Variants in MAPKAP1 observed in about 807,000 individuals in gnomAD.
The protein encoded by MAPKAP1 is target of rapamycin complex 2 subunit MAPKAP1.
Under a neutral mutation model 65.7 loss-of-function variants are expected in MAPKAP1, and 20 were observed. That is an observed-to-expected ratio of 0.30 (90% CI 0.21 to 0.44). MAPKAP1 has a LOEUF of 0.44. MAPKAP1 is among the 20% of genes least tolerant of loss of function. The pLI is 1.00. For missense variants in MAPKAP1, 423 were observed against 648.0 expected (o/e 0.65, Z 3.77); for synonymous variants, 222 against 244.3 (o/e 0.91, Z 0.85).
chr9:125,490,475 G>T (rs1236554614), intron 8 of MAPKAP1, among the ~76,000 whole-genome samples: 1 of 152,050 alleles, frequency 6.6e-6, no homozygotes, highest in African/African-American at 2.4e-5. Flanking sequence ...GGAGGCAGAG[G>T]TTGCAGTGAA....
At chr9:125,684,039 C>A (rs1301319518) in intron 1 of MAPKAP1, among the ~76,000 whole-genome samples, 1 of 152,170 alleles carries the variant, frequency 6.6e-6, no homozygotes, top group Non-Finnish European at 1.5e-5. Flanking sequence ...CTATATCACC[C>A]AGAGTCCAAC....
chr9:125,527,228 A>G (rs13289009), intron 7 of MAPKAP1, among the ~76,000 whole-genome samples: 44,110 of 151,844 alleles, frequency 0.29, 7,767 homozygotes, highest in Middle Eastern at 0.4. Flanking sequence ...CACCATGCCC[A>G]GCTAATTTTT....
chr9:125,638,306 G>T (rs1456008059), intron 4 of MAPKAP1, among the ~76,000 whole-genome samples: 2 of 152,146 alleles, frequency 1.3e-5, no homozygotes, highest in African/African-American at 4.8e-5. Context: ...CTGTGATTTG[G>T]TCCTGAAACA....
chr9:125,504,801 CCCAAAACCAAA>C (rs1829090475), intron 8 of MAPKAP1, among the ~76,000 whole-genome samples: 2 of 151,370 alleles, frequency 1.3e-5, no homozygotes, highest in African/African-American at 4.8e-5. Flanking sequence ...TCAAAAAAAC[CCCAAAACCAAA>C]CCAAAACCAA....
intron 1 of MAPKAP1, among the ~76,000 whole-genome samples, chr9:125,694,990 G>C (rs923276969): frequency 1.3e-5 from 2 of 152,194 alleles, no homozygotes; most frequent in African/African-American, 4.8e-5. Flanking sequence ...CTCTGTCATA[G>C]TTCAGACTTA....
rs1834751552 is a variant in MAPKAP1, at chr9:125,679,337, G to A, written c.-69-6694C>T. 2.0e-5 allele frequency among the ~76,000 whole-genome samples: 3 copies of A among 152,108 alleles called. No individual in the cohort carries two copies. In the South Asian group the frequency reaches 6.2e-4, roughly 32 times the overall value. ...TTTTAAAAGCCTATTGTACTCATTT[G>A]TATCTAAGGCCTGAGAGAAATTTCC... On this transcript the variant is annotated intron_variant, in intron 1 of 11. Transcript: ENST00000265960.
chr9:125,678,580 C>T (rs1220691161), intron 1 of MAPKAP1, among the ~76,000 whole-genome samples: 1 of 152,144 alleles, frequency 6.6e-6, no homozygotes, highest in Non-Finnish European at 1.5e-5. Context: ...TCCTTTTACA[C>T]TTCAAATGAA....
chr9:125,679,145 G>A (rs1211607206), intron 1 of MAPKAP1, among the ~76,000 whole-genome samples: 1 of 152,042 alleles, frequency 6.6e-6, no homozygotes, highest in Non-Finnish European at 1.5e-5. Flanking sequence ...GGGATTATAA[G>A]TGTGCACCAC....
intron 4 of MAPKAP1, among the ~76,000 whole-genome samples, chr9:125,636,174 C>T (rs1249307441): frequency 1.3e-5 from 2 of 152,044 alleles, no homozygotes; most frequent in African/African-American, 4.8e-5. Context: ...TGCTGAACAA[C>T]AGAAAAAAGG....
chr9:125,685,998 C>G (rs1226155230), intron 1 of MAPKAP1, among the ~76,000 whole-genome samples: 2 of 152,152 alleles, frequency 1.3e-5, no homozygotes, highest in Non-Finnish European at 2.9e-5. Context: ...TTCCACTTAC[C>G]TGGTCTTCAG....
chr9:125,685,070 T>A (rs562491611), intron 1 of MAPKAP1, among the ~76,000 whole-genome samples: 1 of 152,102 alleles, frequency 6.6e-6, no homozygotes, highest in Non-Finnish European at 1.5e-5. Flanking sequence ...AAGTGTTTGT[T>A]GATTTTACTC....
chr9:125,540,486 T>C (rs1830210724), intron 7 of MAPKAP1, among the ~76,000 whole-genome samples: 1 of 152,220 alleles, frequency 6.6e-6, no homozygotes, highest in South Asian at 2.1e-4. Context: ...TGACTCTACA[T>C]GGCATGTGTA....
At chr9:125,681,486 T>C (rs937134599) in intron 1 of MAPKAP1, among the ~76,000 whole-genome samples, 18 of 152,196 alleles carry the variant, frequency 1.2e-4, no homozygotes, top group Admixed American at 1.3e-4. Flanking sequence ...TCTTCTTCTA[T>C]CAAATGTCTC....
At chr9:125,480,975 G>A (rs12349440) in intron 9 of MAPKAP1, among the ~76,000 whole-genome samples, 61,200 of 108,476 alleles carry the variant, frequency 0.56, 14,931 homozygotes, top group African/African-American at 0.65. Flanking sequence ...CCGTTTCGGG[G>A]AAAAAAAAAA....
chr9:125,672,754 T>C, intron 1 of MAPKAP1, 111 bp from the exon 2 acceptor site: 2 of 676,520 alleles, frequency 3.0e-6, no homozygotes, highest in African/African-American at 1.8e-5. Context: ...TCAACATTTA[T>C]CCCTGTTCTG....
intron 5 of MAPKAP1, among the ~76,000 whole-genome samples, chr9:125,562,395 AAAG>A (rs2131511397): frequency 6.6e-6 from 1 of 152,358 alleles, no homozygotes; most frequent in African/African-American, 2.4e-5. Flanking sequence ...AGAGGAAGGA[AAAG>A]AAGACTGATT....
chr9:125,624,573 C>A lies in MAPKAP1; in HGVS notation c.498+33078G>T, dbSNP rs1271464832. On this transcript the variant is annotated intron_variant, in intron 4 of 11. Transcript: ENST00000265960. ...TCCGGGAGGGAGGTGGGGGGTTCAG[C>A]CCCCCGCCCGGCCAGCCGCCCCGTC... Among the ~76,000 whole-genome samples the A allele has an allele frequency of 3.3e-5, 2 of 61,130 alleles. 1 individual carries two copies. The highest frequency in any genetic ancestry group is 1.1e-4 in the African/African-American group (2 of 18,108). The allele number at this position is 61,130 out of a possible 152,430, so 40.1% of individuals were successfully genotyped here.
At chr9:125,704,040 C>T (rs545520793) in intron 1 of MAPKAP1, among the ~76,000 whole-genome samples, 1 of 152,334 alleles carries the variant, frequency 6.6e-6, no homozygotes, top group South Asian at 2.1e-4. Flanking sequence ...GCAAAGGCCA[C>T]TTCCATTCCT....
intron 4 of MAPKAP1, among the ~76,000 whole-genome samples, chr9:125,625,902 TC>T (rs1248151719): frequency 6.6e-6 from 1 of 152,236 alleles, no homozygotes; most frequent in Non-Finnish European, 1.5e-5. Context: ...TAATCCTTCT[TC>T]TGTCTGAAAA....
Sources: allele counts gnomAD v4.1 joint callset (sites outside exome capture counted in the v4.1 genomes callset), GRCh38; gene constraint gnomAD v4.1.1; transcripts MANE v1.5; gene names NCBI Gene and HGNC (gene_info 2026-07-23, HGNC 2026-07-21).